The following EPHA6 variants were observed in gnomAD, a reference collection of about 807,000 sequenced individuals.
EPHA6 encodes ephrin type-A receptor 6.
A neutral mutation model predicts 112.0 loss-of-function variants in EPHA6; 50 were observed. That is an observed-to-expected ratio of 0.45 (90% CI 0.36 to 0.56). EPHA6 has a LOEUF of 0.56. Ranked by LOEUF, EPHA6 falls within the 20% of genes least tolerant of loss-of-function variation. The pLI is 0.00. For missense variants in EPHA6, 1,280 were observed against 1,417.4 expected (o/e 0.90, Z 1.56); for synonymous variants, 529 against 490.7 (o/e 1.08, Z -1.03).
intron 11 of EPHA6, among the ~76,000 whole-genome samples, chr3:97,586,468 C>A (rs1477717417): frequency 6.6e-6 from 1 of 151,876 alleles, no homozygotes; most frequent in Admixed American, 6.6e-5. Flanking sequence ...GAAGTATTTG[C>A]TCAAACAAAA....
At chr3:97,417,957 C>T (rs2088267922) in intron 6 of EPHA6, among the ~76,000 whole-genome samples, 2 of 151,948 alleles carry the variant, frequency 1.3e-5, no homozygotes, top group Admixed American at 1.3e-4. Context: ...AAAAACAAAA[C>T]ATGAGTGAAT....
At chr3:97,142,687 A>G (rs1378670742) in intron 3 of EPHA6, among the ~76,000 whole-genome samples, 2 of 151,874 alleles carry the variant, frequency 1.3e-5, no homozygotes, top group African/African-American at 4.8e-5. Context: ...TCTTCCAACA[A>G]AAGAAAAGCC....
At chr3:97,675,605 G>C (rs537140312) in intron 14 of EPHA6, among the ~76,000 whole-genome samples, 2 of 152,192 alleles carry the variant, frequency 1.3e-5, no homozygotes, top group African/African-American at 4.8e-5. Flanking sequence ...CTTTATAATT[G>C]CTTATATGAT....
chr3:96,882,891 G>T (rs1365453800), intron 2 of EPHA6, among the ~76,000 whole-genome samples: 2 of 152,132 alleles, frequency 1.3e-5, no homozygotes, highest in Non-Finnish European at 2.9e-5. Context: ...ATAAACATGC[G>T]TGTGCGAGTA....
intron 3 of EPHA6, among the ~76,000 whole-genome samples, chr3:97,040,877 T>G (rs867208977): frequency 2.0e-4 from 30 of 152,180 alleles, no homozygotes; most frequent in African/African-American, 6.7e-4. Context: ...TTCTGATGTT[T>G]AGAATTTAAT....
At chr3:97,646,423 A>G (rs2094064109) in intron 14 of EPHA6, 6 of 777,250 alleles carry the variant, frequency 7.7e-6, no homozygotes, top group East Asian at 3.0e-5. Flanking sequence ...ACACCTAAAT[A>G]TAAGTAGAAA....
intron 9 of EPHA6, chr3:97,481,513 G>T: frequency 3.0e-6 from 3 of 986,284 alleles, no homozygotes; most frequent in Non-Finnish European, 4.8e-6. Context: ...TTCCTCCGGC[G>T]CGGGGCTAAG....
At chr3:97,032,837 C>T (rs984255134) in intron 3 of EPHA6, among the ~76,000 whole-genome samples, 16 of 152,028 alleles carry the variant, frequency 1.1e-4, no homozygotes, top group East Asian at 5.8e-4. Flanking sequence ...TATTTTTTAT[C>T]GGCTGAATCG....
At chr3:97,489,361 C>T (rs2091777970) in intron 10 of EPHA6, among the ~76,000 whole-genome samples, 1 of 152,074 alleles carries the variant, frequency 6.6e-6, no homozygotes, top group South Asian at 2.1e-4. Context: ...TGAGTTATAT[C>T]CATGTCAACA....
chr3:96,835,162 G>A (rs570451638), intron 1 of EPHA6, among the ~76,000 whole-genome samples: 145 of 152,124 alleles, frequency 9.5e-4, no homozygotes, highest in Non-Finnish European at 1.8e-3. Flanking sequence ...AACACAATCA[G>A]CATTTATTAA....
intron 14 of EPHA6, among the ~76,000 whole-genome samples, chr3:97,718,501 T>C (rs188502672): frequency 6.6e-6 from 1 of 152,304 alleles, no homozygotes; most frequent in Admixed American, 6.5e-5. Context: ...ATTTGGGATG[T>C]ACTTATACCA....
In EPHA6 at chr3:96,981,378, C is replaced by A. The variant is rs192603751; in HGVS notation, c.451-5952C>A. Among the ~76,000 whole-genome samples, 836 of 152,184 alleles carry A rather than the reference C, an allele frequency of 5.5e-3. 7 individuals carry two copies. The highest frequency in any genetic ancestry group is 0.02 in the African/African-American group (814 of 41,528). On this transcript the variant is annotated intron_variant, in intron 2 of 17. Transcript: ENST00000389672. ...TATTGATTTGTTTATGTTGAACCAG[C>A]CTTACATCCCAGGGATGAAGCCCAC...
At chr3:97,117,983 C>A (rs1017931660) in intron 3 of EPHA6, among the ~76,000 whole-genome samples, 1 of 151,718 alleles carries the variant, frequency 6.6e-6, no homozygotes, top group Admixed American at 6.6e-5. Flanking sequence ...CAATGAATAT[C>A]TCTTTAAAAT....
At chr3:96,899,437 T>A (rs2038481414) in intron 2 of EPHA6, among the ~76,000 whole-genome samples, 1 of 152,250 alleles carries the variant, frequency 6.6e-6, no homozygotes, top group Admixed American at 6.5e-5. Context: ...TGGGAAAAAC[T>A]ACTACAAGTC....
chr3:97,227,520 C>T (rs1559812253), intron 4 of EPHA6, among the ~76,000 whole-genome samples: 1 of 152,062 alleles, frequency 6.6e-6, no homozygotes, highest in African/African-American at 2.4e-5. Context: ...CGCCCCTGGC[C>T]GAAACTATTT....
At chr3:97,728,748 C>T (rs752201275) in intron 15 of EPHA6, among the ~76,000 whole-genome samples, 21 of 152,258 alleles carry the variant, frequency 1.4e-4, no homozygotes, top group Non-Finnish European at 2.1e-4. Context: ...TGGTTAGTGA[C>T]AACTTAGGAC....
chr3:96,959,167 C>A (rs934906589), intron 2 of EPHA6, among the ~76,000 whole-genome samples: 1 of 152,142 alleles, frequency 6.6e-6, no homozygotes, highest in Non-Finnish European at 1.5e-5. Context: ...TTCACCAATA[C>A]TTGTTTATTG....
intron 2 of EPHA6, among the ~76,000 whole-genome samples, chr3:96,943,353 A>G (rs114311852): frequency 0.014 from 2,187 of 152,338 alleles, 56 homozygotes; most frequent in African/African-American, 0.05. Flanking sequence ...TTTGATTATT[A>G]TACAGTGTAT....
intron 5 of EPHA6, among the ~76,000 whole-genome samples, chr3:97,246,609 G>GTTAAT (rs1334105304): frequency 1.3e-5 from 2 of 151,226 alleles, no homozygotes; most frequent in African/African-American, 4.8e-5. Context: ...AATGATTATT[G>GTTAAT]TTAATTTAAT....
Sources: allele counts gnomAD v4.1 joint callset (sites outside exome capture counted in the v4.1 genomes callset), GRCh38; gene constraint gnomAD v4.1.1; transcripts MANE v1.5; gene names NCBI Gene and HGNC (gene_info 2026-07-23, HGNC 2026-07-21).